The following DACH2 variants were observed in gnomAD, a reference collection of about 807,000 sequenced individuals.
DACH2 encodes the protein dachshund homolog 2.
A neutral mutation model predicts 35.8 loss-of-function variants in DACH2; 17 were observed. The ratio of observed to expected loss-of-function variants is 0.48; its 90% CI spans 0.33 to 0.71. The LOEUF is 0.71. DACH2 is among the 30% of genes least tolerant of loss of function. The pLI, the probability that DACH2 is intolerant of heterozygous loss-of-function variation, is 0.02. For synonymous variants in DACH2, 195 were observed against 177.3 expected (o/e 1.10, Z -0.79); for missense variants, 469 against 472.7 (o/e 0.99, Z 0.07).
intron 1 of DACH2, among the ~76,000 whole-genome samples, chrX:86,369,564 C>T (rs1484303213): frequency 2.7e-5 from 3 of 111,052 alleles, no homozygotes; most frequent in African/African-American, 9.8e-5. Flanking sequence ...GATCAATTGG[C>T]AAATGAACTC....
Position 86,651,017 on chromosome X carries a change from G to A in DACH2, c.641-19G>A, listed in dbSNP as rs2040471777. 2 of 1,160,266 alleles carry A rather than the reference G, an allele frequency of 1.7e-6. No individual in the cohort carries two copies. Among genetic ancestry groups the A allele is most frequent in the South Asian group, 2.1e-5 (1 of 47,882 alleles). On this transcript the variant is annotated intron_variant, in intron 3 of 11. Transcript: ENST00000373125. Reference sequence around the variant, plus strand: ...ATTAATATAAATAAATAAATGGAATGGAATAATTCTGCTTTTAGGTATAAC... The same window carrying A: ...ATTAATATAAATAAATAAATGGAATAGAATAATTCTGCTTTTAGGTATAAC...
intron 1 of DACH2, among the ~76,000 whole-genome samples, chrX:86,233,501 G>C (rs970487717): frequency 2.7e-5 from 3 of 111,898 alleles, no homozygotes; most frequent in Admixed American, 1.9e-4. Context: ...ATTTAAACTG[G>C]TTTCCAGGTT....
At chrX:86,199,881 T>C (rs2032100591) in intron 1 of DACH2, among the ~76,000 whole-genome samples, 1 of 112,105 alleles carries the variant, frequency 8.9e-6, no homozygotes, top group African/African-American at 3.2e-5. Context: ...CAAAGCAATG[T>C]ATAGATTCAG....
At chrX:86,769,301 C>T (rs1034399358) in intron 7 of DACH2, among the ~76,000 whole-genome samples, 6 of 111,687 alleles carry the variant, frequency 5.4e-5, no homozygotes, top group African/African-American at 1.6e-4. Context: ...CACAAGTAAA[C>T]GGAAAAGCAT....
intron 7 of DACH2, among the ~76,000 whole-genome samples, chrX:86,774,700 A>T (rs183995266): frequency 1.8e-5 from 2 of 112,031 alleles, no homozygotes; most frequent in Non-Finnish European, 3.8e-5. Flanking sequence ...TTTCAGTGGA[A>T]ATGGTAAGTG....
At chrX:86,429,310 TC>T (rs1299622237) in intron 2 of DACH2, among the ~76,000 whole-genome samples, 1 of 111,340 alleles carries the variant, frequency 9.0e-6, no homozygotes. Context: ...TTTTTTCTTC[TC>T]CCAGTTGCAT....
intron 3 of DACH2, among the ~76,000 whole-genome samples, chrX:86,612,898 G>T (rs2039962735): frequency 8.9e-6 from 1 of 112,385 alleles, no homozygotes; most frequent in Admixed American, 9.4e-5. Flanking sequence ...TCATGACCTA[G>T]TTTTAAAAGC....
chrX:86,791,773 A>G lies in DACH2; in HGVS notation c.1241-21083A>G, dbSNP rs181705480. 4.5e-5 allele frequency among the ~76,000 whole-genome samples: 5 copies of G among 111,957 alleles called. No homozygotes were observed. In the Admixed American group the frequency reaches 4.7e-4, roughly 11 times the overall value. ...AGAGGAAAAAGAATAAGTAGGTCAT[A>G]GTCCCCACTCTCAAATAATTTAAGT... On this transcript the variant is annotated intron_variant, in intron 7 of 11. Transcript: ENST00000373125.
At chrX:86,239,491 A>G (rs1042761878) in intron 1 of DACH2, among the ~76,000 whole-genome samples, 1 of 112,123 alleles carries the variant, frequency 8.9e-6, no homozygotes, top group Non-Finnish European at 1.9e-5. Context: ...ATTCATCAGT[A>G]TGTCTGTAAG....
chrX:86,610,259 T>C (rs186346769), intron 3 of DACH2, among the ~76,000 whole-genome samples: 1 of 111,515 alleles, frequency 9.0e-6, no homozygotes, highest in African/African-American at 3.3e-5. Context: ...ATGTATATAG[T>C]ACTGCCAGAA....
intron 2 of DACH2, among the ~76,000 whole-genome samples, chrX:86,399,677 A>C (rs997788094): frequency 9.0e-6 from 1 of 111,515 alleles, no homozygotes; most frequent in Non-Finnish European, 1.9e-5. Context: ...TGGGTTGAAA[A>C]TTCTTTTCTT....
intron 2 of DACH2, among the ~76,000 whole-genome samples, chrX:86,510,553 C>T (rs900501517): frequency 1.3e-4 from 14 of 111,554 alleles, no homozygotes; most frequent in Middle Eastern, 4.7e-3. Context: ...TACAGAATGA[C>T]GGGGAAATCA....
rs1434687867 is a variant in DACH2 at position 86,398,453 on chromosome X, G to T, written c.527+21591G>T. On this transcript the variant is annotated intron_variant, in intron 2 of 11. Transcript: ENST00000373125. ...CTAGCTTTTGAATGTGTTTGCTCTTGCTTCTCTAGTTCTTTTAATTGTGAT... is the reference window on the plus strand; with the variant it reads ...CTAGCTTTTGAATGTGTTTGCTCTTTCTTCTCTAGTTCTTTTAATTGTGAT... Among the ~76,000 whole-genome samples the T allele has an allele frequency of 2.7e-5, 3 of 111,683 alleles. No individual in the cohort carries two copies. The Admixed American group carries it at 2.8e-4, about 11-fold the overall frequency.
At chrX:86,360,659 C>A (rs2035724301) in intron 1 of DACH2, among the ~76,000 whole-genome samples, 1 of 107,035 alleles carries the variant, frequency 9.3e-6, no homozygotes, top group African/African-American at 3.4e-5. Context: ...GATTTAAATC[C>A]ATGTCCTATC....
intron 3 of DACH2, among the ~76,000 whole-genome samples, chrX:86,644,560 G>GA (rs1341938060): frequency 6.3e-5 from 7 of 110,695 alleles, no homozygotes; most frequent in Non-Finnish European, 9.5e-5. Flanking sequence ...CACAGAACTA[G>GA]AAAAAAATAA....
intron 5 of DACH2, among the ~76,000 whole-genome samples, chrX:86,711,896 T>C (rs2041283607): frequency 8.9e-6 from 1 of 112,475 alleles, no homozygotes; most frequent in Non-Finnish European, 1.9e-5. Context: ...AGTTTGCATG[T>C]CAATTGGACT....
At chrX:86,167,341 A>T in intron 1 of DACH2, among the ~76,000 whole-genome samples, 1 of 111,210 alleles carries the variant, frequency 9.0e-6, no homozygotes, top group Non-Finnish European at 1.9e-5. Context: ...ATTTATTGCC[A>T]TATAGTTGCT....
intron 3 of DACH2, among the ~76,000 whole-genome samples, chrX:86,546,481 C>T (rs762551250): frequency 5.8e-5 from 5 of 85,518 alleles, no homozygotes; most frequent in Non-Finnish European, 1.1e-4. Context: ...TCTTCCTCTT[C>T]TTCCTCTTCT....
rs528032919 is a variant in DACH2 at position 86,407,096 on chromosome X, G to A, written c.527+30234G>A. ...ACATGATTTGGTCTGAAAAGTTTTA[G>A]TTAACATAAAAATGCAATAATCAAA... On this transcript the variant is annotated intron_variant, in intron 2 of 11. Coordinates refer to ENST00000373125, the MANE Select transcript of DACH2 (RefSeq NM_053281.3). Among the ~76,000 whole-genome samples the A allele has an allele frequency of 7.2e-5, 8 of 111,759 alleles. No homozygotes were observed. In the South Asian group the frequency reaches 3.0e-3, roughly 41 times the overall value.
Sources: allele counts gnomAD v4.1 joint callset (sites outside exome capture counted in the v4.1 genomes callset), GRCh38; gene constraint gnomAD v4.1.1; transcripts MANE v1.5; gene names NCBI Gene and HGNC (gene_info 2026-07-23, HGNC 2026-07-21).